The following MORN1 variants were observed in gnomAD, a reference collection of about 807,000 sequenced individuals.
MORN1 encodes MORN repeat containing 1.
In MORN1, 67 loss-of-function variants were observed where a neutral mutation model predicts 61.9. The observed-to-expected ratio is 1.08, with a 90% CI of 0.89 to 1.33. The LOEUF (loss-of-function observed/expected upper bound fraction) is 1.33, where lower values mean the gene tolerates loss of function less well. Ranked by LOEUF, MORN1 falls within the 40% of genes most tolerant of loss-of-function variation. The pLI, the probability that MORN1 is intolerant of heterozygous loss-of-function variation, is 0.00. For synonymous variants in MORN1, 301 were observed against 292.0 expected (o/e 1.03, Z -0.31); for missense variants, 752 against 691.2 (o/e 1.09, Z -0.99).
At chr1:2,364,339 A>C (rs10910055) in intron 8 of MORN1, among the ~76,000 whole-genome samples, 50,394 of 151,840 alleles carry the variant, frequency 0.33, 8,633 homozygotes, top group South Asian at 0.45. Flanking sequence ...ACATTTTTTC[A>C]TGTGTTTTTT....
chr1:2,382,742 T>C (rs1285072253), intron 6 of MORN1, among the ~76,000 whole-genome samples: 1 of 152,086 alleles, frequency 6.6e-6, no homozygotes, highest in Non-Finnish European at 1.5e-5. Flanking sequence ...ATCTCCTGCA[T>C]ATGGCTCAGG....
chr1:2,325,179 T>TTCCTTCCC (rs1640993868), intron 12 of MORN1, among the ~76,000 whole-genome samples: 1 of 96,280 alleles, frequency 1.0e-5, no homozygotes, highest in African/African-American at 4.6e-5. Context: ...CTTTCCTTCC[T>TTCCTTCCC]TCCCTTCCTT....
intron 8 of MORN1, among the ~76,000 whole-genome samples, chr1:2,362,240 C>A (rs1385264771): frequency 1.3e-5 from 2 of 152,068 alleles, no homozygotes; most frequent in African/African-American, 4.8e-5. Flanking sequence ...AAATAAAAAA[C>A]AAAAAACATA....
chr1:2,327,063 C>T (rs1003317218), intron 12 of MORN1, among the ~76,000 whole-genome samples: 5 of 151,932 alleles, frequency 3.3e-5, no homozygotes, highest in Non-Finnish European at 7.4e-5. Flanking sequence ...CACAGAAATA[C>T]AGAAACACAG....
At chr1:2,336,961 G>A (rs1032637851) in intron 10 of MORN1, 111 bp from the exon 11 acceptor site, 40 of 1,230,462 alleles carry the variant, frequency 3.3e-5, no homozygotes, top group Non-Finnish European at 4.0e-5. Context: ...GGGCACAGAC[G>A]CCAGTCGCGA....
At chr1:2,376,042 C>A (rs12033324) in intron 6 of MORN1, 7,155 of 152,364 alleles carry the variant, frequency 0.047, 272 homozygotes, top group South Asian at 0.15. Context: ...TGGGCTTCAG[C>A]TACCAAGGAC....
chr1:2,385,848 G>C lies in MORN1; in HGVS notation c.408C>G (p.Phe136Leu). The C allele has an allele frequency of 6.2e-7, 1 of 1,613,968 alleles. No homozygotes were observed. Among genetic ancestry groups the C allele is most frequent in the Non-Finnish European group, 8.5e-7 (1 of 1,180,026 alleles). The change falls in exon 5 of 14, where the codon TTC becomes TTG. Residue 136 changes from phenylalanine to leucine, a missense_variant. By Grantham distance (22) the Phe-to-Leu change is conservative (BLOSUM62 0). Coordinates refer to ENST00000378531, the MANE Select transcript of MORN1 (RefSeq NM_024848.3). ...DRDGQVYQGS[F>L]HDNKRHGPGQ... is the part of the protein sequence containing the mutation. The stretch of plus-strand genomic sequence containing the variant: ...CAGGGCCGTGCCTCTTGTTGTCATG[G>C]AAGGAGCCCTGGTACACTTGTCCAT...
In MORN1 at chr1:2,379,358, C is replaced by T. The variant is rs137942266; in HGVS notation, c.538-4801G>A. ...TGATCTCTAAAAATAAACGAACAGC[C>T]GGCGCTGGTTGGGGTGTGGCTGGAG... On this transcript the variant is annotated intron_variant, in intron 6 of 13. Coordinates refer to ENST00000378531, the MANE Select transcript of MORN1 (RefSeq NM_024848.3). The T allele has an allele frequency of 1.6e-3, 568 of 355,876 alleles. 2 individuals carry two copies. Among genetic ancestry groups the T allele is most frequent in the Admixed American group, 2.9e-3 (73 of 24,960 alleles). 22.0% of individuals were successfully genotyped at this position (355,876 alleles called of 1,614,324 possible). A position where few individuals can be genotyped will look rare whatever the true frequency, so the allele number is the denominator to read the frequency against.
At chr1:2,322,961 G>A (rs1251592015) in intron 13 of MORN1, 12 of 985,286 alleles carry the variant, frequency 1.2e-5, no homozygotes, top group African/African-American at 3.5e-5. Flanking sequence ...TTAGGGCCTC[G>A]GCCATACGTA....
chr1:2,348,749 G>A (rs1405832121), intron 10 of MORN1, among the ~76,000 whole-genome samples: 3 of 69,868 alleles, frequency 4.3e-5, no homozygotes, highest in African/African-American at 1.4e-4. Context: ...GCGCGGGCAC[G>A]CACACACACG....
chr1:2,341,147 G>A (rs1641386358), intron 10 of MORN1, among the ~76,000 whole-genome samples: 1 of 152,204 alleles, frequency 6.6e-6, no homozygotes, highest in Non-Finnish European at 1.5e-5. Context: ...GCCCTGCTGT[G>A]TCCCACCTGT....
In MORN1 at chr1:2,372,430, G is replaced by A. The variant is rs1304135954; in HGVS notation, c.745+51C>T. 3.5e-6 allele frequency: 5 copies of A among 1,411,656 alleles called. No homozygotes were observed. The highest frequency in any genetic ancestry group is 4.9e-6 in the Non-Finnish European group (5 of 1,013,338). 87.4% of individuals were successfully genotyped at this position (1,411,656 alleles called of 1,614,324 possible). A position where few individuals can be genotyped will look rare whatever the true frequency, so the allele number is the denominator to read the frequency against. On this transcript the variant is annotated intron_variant, in intron 8 of 13. Coordinates refer to ENST00000378531, the MANE Select transcript of MORN1 (RefSeq NM_024848.3). The surrounding 1 kb of genome is among the most constrained non-coding windows in gnomAD (Gnocchi z 5.4). ...CATCTTCACTGCTTAAGAACCTGCT[G>A]CCTGTTTCTCTTTTGGAAACGTTAG...
At position 2,372,386 on chromosome 1, in the gene MORN1, A is replaced by C; in HGVS notation, c.745+95T>G. 1.1e-6 allele frequency: 1 copy of C among 947,064 alleles called. No individual in the cohort carries two copies. The highest frequency in any genetic ancestry group is 1.6e-6 in the Non-Finnish European group (1 of 631,960). The allele number at this position is 947,064 out of a possible 1,614,324, so 58.7% of individuals were successfully genotyped here. A position where few individuals can be genotyped will look rare whatever the true frequency, so the allele number is the denominator to read the frequency against. ...AAGTCACTGCTGTGCCTCAGGAGCC[A>C]CATGCAACATCTCGTCCGCATCTTC... On this transcript the variant is annotated intron_variant, in intron 8 of 13. Transcript: ENST00000378531. The surrounding 1 kb of genome is among the most constrained non-coding windows in gnomAD (Gnocchi z 5.4).
intron 10 of MORN1, among the ~76,000 whole-genome samples, chr1:2,344,332 A>G (rs1406180816): frequency 6.6e-6 from 1 of 152,228 alleles, no homozygotes; most frequent in Non-Finnish European, 1.5e-5. Flanking sequence ...TGCTCCCCAG[A>G]AGCTCCGGTG....
chr1:2,340,528 G>A (rs569848291), intron 10 of MORN1, among the ~76,000 whole-genome samples: 1 of 152,332 alleles, frequency 6.6e-6, no homozygotes, highest in South Asian at 2.1e-4. Flanking sequence ...CAGTCCTGGG[G>A]TCTGGGCCAT....
At position 2,384,974 on chromosome 1, in the gene MORN1, G is replaced by T; in HGVS notation, c.537+4C>A. On this transcript the variant is annotated splice_donor_region_variant and intron_variant, in intron 6 of 13. Coordinates refer to ENST00000378531, the MANE Select transcript of MORN1 (RefSeq NM_024848.3). ...GGCAGCAGGTGCCGCGCGCCCCCGGGTACCTTGTAGGTGGAGCCGTCGGCG... is the reference window on the plus strand; with the variant it reads ...GGCAGCAGGTGCCGCGCGCCCCCGGTTACCTTGTAGGTGGAGCCGTCGGCG... 4 of 1,567,978 alleles carry T rather than the reference G, an allele frequency of 2.6e-6. No individual in the cohort carries two copies. Among genetic ancestry groups the T allele is most frequent in the Non-Finnish European group, 3.5e-6 (4 of 1,156,968 alleles).
intron 8 of MORN1, chr1:2,371,091 C>T (rs1642109973): frequency 6.6e-6 from 1 of 152,170 alleles, no homozygotes; most frequent in South Asian, 2.1e-4. Flanking sequence ...CGCCTGTAGT[C>T]CCAGCTACTC....
intron 13 of MORN1, chr1:2,323,598 G>A (rs1005404918): frequency 4.1e-6 from 4 of 985,150 alleles, no homozygotes; most frequent in East Asian, 1.1e-4. Flanking sequence ...CACGGCTGAG[G>A]GTCTGCACCT....
At position 2,359,654 on chromosome 1, in the gene MORN1, G is replaced by A. The variant is rs183145335; in HGVS notation, c.746-939C>T. Among the ~76,000 whole-genome samples the A allele has an allele frequency of 5.7e-4, 87 of 152,284 alleles. 2 individuals are homozygous for A. The East Asian group carries it at 8.5e-3, about 15-fold the overall frequency. On this transcript the variant is annotated intron_variant, in intron 8 of 13. Coordinates refer to ENST00000378531, the MANE Select transcript of MORN1 (RefSeq NM_024848.3). ...TCCCAGCACTTTGGGAGGCCGAGGC[G>A]GGTGGATCTCCTGAGGTCAGGAGTT... is the stretch of plus-strand genomic sequence containing the variant.
Sources: gnomAD v4.1 joint callset for allele counts (sites outside exome capture counted in the v4.1 genomes callset) on GRCh38, gnomAD v4.1.1 for gene constraint, Gnocchi (gnomAD v3.1) non-coding constraint, MANE v1.5 for transcripts, NCBI Gene and HGNC (gene_info 2026-07-23, HGNC 2026-07-21) for gene names.